Variants in RTCA observed in about 807,000 individuals in gnomAD.
The protein encoded by RTCA is RNA 3'-terminal phosphate cyclase.
A neutral mutation model predicts 46.1 loss-of-function variants in RTCA; 37 were observed. That is an observed-to-expected ratio of 0.80 (90% CI 0.62 to 1.06). The LOEUF is 1.06. Among genes scored for constraint, RTCA ranks in the 50% least tolerant of loss-of-function variants. RTCA has a pLI of 0.00. For synonymous variants in RTCA, 164 were observed against 158.3 expected (o/e 1.04, Z -0.27); for missense variants, 435 against 455.5 (o/e 0.95, Z 0.41).
chr1:100,273,126 A>G (rs1214294264), intron 4 of RTCA, among the ~76,000 whole-genome samples: 3 of 152,190 alleles, frequency 2.0e-5, no homozygotes, highest in Non-Finnish European at 4.4e-5. Context: ...TCGGAGTAGA[A>G]TAACCACTGA....
intron 2 of RTCA, chr1:100,267,300 C>A: frequency 4.3e-6 from 2 of 464,242 alleles, no homozygotes. Context: ...AGTCTTTTGT[C>A]TACAGTTTTG....
intron 2 of RTCA, chr1:100,267,541 T>A (rs878926634): frequency 1.3e-6 from 2 of 1,546,126 alleles, no homozygotes; most frequent in South Asian, 2.4e-5. Flanking sequence ...CTGACAAGGT[T>A]GGTTTCCTCT....
rs1665885326 is a variant in RTCA, at chr1:100,268,079, T to C, written c.147-73T>C. On this transcript the variant is annotated intron_variant, in intron 2 of 10. Transcript: ENST00000370128. ...CTGTTTTCTTGCCATTGCAGTTTTA[T>C]AAATTTGTCATAAAATGTGGGGATG... The C allele has an allele frequency of 2.6e-6, 4 of 1,566,440 alleles. No individual in the cohort carries two copies. The South Asian group carries it at 3.6e-5, about 14-fold the overall frequency.
At chr1:100,276,655 G>A (rs553581378) in intron 7 of RTCA, among the ~76,000 whole-genome samples, 22 of 152,120 alleles carry the variant, frequency 1.4e-4, no homozygotes, top group Admixed American at 5.9e-4. Flanking sequence ...CCAGCCTGGC[G>A]ACAAAGCGAG....
At chr1:100,291,266 T>C (rs1402344350) in intron 10 of RTCA, 137 bp from the exon 11 acceptor site, 1 of 573,030 alleles carries the variant, frequency 1.7e-6, no homozygotes, top group Non-Finnish European at 3.1e-6. Flanking sequence ...TTCTCATCAA[T>C]CATTTGATCT....
chr1:100,270,500 T>G, intron 3 of RTCA, 57 bp from the exon 4 acceptor site: 1 of 1,595,566 alleles, frequency 6.3e-7, no homozygotes, highest in South Asian at 1.1e-5. Context: ...ATTTAAGAGT[T>G]TGAAAAGAAA....
In RTCA at chr1:100,287,092, T is replaced by A. The variant is rs368541985; in HGVS notation, c.895-7T>A. ...TGTGAGGTTTTTCTTTGTTCTTTTT[T>A]AAATAGCTGATTGTTTTCATGGCAT... On this transcript the variant is annotated splice_region_variant and splice_polypyrimidine_tract_variant and intron_variant, in intron 9 of 10. Coordinates refer to ENST00000370128, the MANE Select transcript of RTCA (RefSeq NM_003729.4). 2.6e-6 allele frequency: 4 copies of A among 1,535,518 alleles called. No individual in the cohort carries two copies. The highest frequency in any genetic ancestry group is 1.7e-4 in the Middle Eastern group (1 of 5,766).
At chr1:100,269,025 ATATATATT>A (rs952021175) in intron 3 of RTCA, among the ~76,000 whole-genome samples, 154 of 148,140 alleles carry the variant, frequency 1.0e-3, no homozygotes, top group African/African-American at 3.5e-3. Context: ...CCCGTCATAT[ATATATATT>A]TATATATTTA....
Position 100,273,410 on chromosome 1 carries a change from T to C in RTCA, c.431T>C (p.Val144Ala), listed in dbSNP as rs1666207312. 5 of 1,585,106 alleles carry C rather than the reference T, an allele frequency of 3.2e-6. No individual in the cohort carries two copies. The highest frequency in any genetic ancestry group is 1.8e-5 in the Admixed American group (1 of 56,584). ...TTTTTTCAGGTCTTCAAGCCAATTG[T>C]TGAAAAATTTGGTTTCATATTTAAT... ...DYTVMVFKPI[V>A]EKFGFIFNCD... Residue 144 changes from valine to alanine, a missense_variant, in exon 5 of 11, where the codon GTT (valine) becomes GCT (alanine). Coordinates refer to ENST00000370128, the MANE Select transcript of RTCA (RefSeq NM_003729.4).
Position 100,287,041 on chromosome 1 carries a change from A to G in RTCA, c.895-58A>G, listed in dbSNP as rs1378347963. ...TATTTTTATTATGGGCAGCAGTGGA[A>G]TTATAATGCCAAATATTAATAAATG... On this transcript the variant is annotated intron_variant, in intron 9 of 10. Coordinates refer to ENST00000370128, the MANE Select transcript of RTCA (RefSeq NM_003729.4). 3 of 1,225,538 alleles carry G rather than the reference A, an allele frequency of 2.4e-6. No individual in the cohort carries two copies. The East Asian group carries it at 7.9e-5, about 32-fold the overall frequency. 75.9% of individuals were successfully genotyped at this position (1,225,538 alleles called of 1,614,324 possible). A position where few individuals can be genotyped will look rare whatever the true frequency, so the allele number is the denominator to read the frequency against.
At chr1:100,283,150 C>G (rs1293873480) in intron 8 of RTCA, among the ~76,000 whole-genome samples, 1 of 144,796 alleles carries the variant, frequency 6.9e-6, no homozygotes, top group Admixed American at 7.5e-5. Flanking sequence ...TTATGTATAT[C>G]CAAATATTCC....
rs376293222 is a variant in RTCA at position 100,291,545 on chromosome 1, C to G, written c.*41C>G. On this transcript the variant is annotated 3_prime_UTR_variant, in exon 11 of 11. Coordinates refer to ENST00000370128, the MANE Select transcript of RTCA (RefSeq NM_003729.4). Reference sequence around the variant, plus strand: ...AATGATACCTCATTGATATATTGCACTATTTCATAAATACTATAAAATAAT... The same window carrying G: ...AATGATACCTCATTGATATATTGCAGTATTTCATAAATACTATAAAATAAT... 9 of 1,160,624 alleles carry G rather than the reference C, an allele frequency of 7.8e-6. No individual in the cohort carries two copies. Among genetic ancestry groups the G allele is most frequent in the Non-Finnish European group, 1.1e-5 (9 of 790,756 alleles). 71.9% of individuals were successfully genotyped at this position (1,160,624 alleles called of 1,614,324 possible). A position where few individuals can be genotyped will look rare whatever the true frequency, so the allele number is the denominator to read the frequency against.
intron 7 of RTCA, among the ~76,000 whole-genome samples, chr1:100,275,981 G>A (rs377764681): frequency 9.9e-5 from 15 of 151,748 alleles, no homozygotes; most frequent in African/African-American, 3.1e-4. Context: ...GACTACAGGC[G>A]CCCACCACCA....
chr1:100,284,786 T>TGGCGTCTAGCTAA (rs1392251983), intron 8 of RTCA, among the ~76,000 whole-genome samples: 139 of 152,338 alleles, frequency 9.1e-4, no homozygotes, highest in African/African-American at 3.2e-3. Flanking sequence ...GTTTGGTAGA[T>TGGCGTCTAGCTAA]GGCGTCTAGC....
intron 8 of RTCA, among the ~76,000 whole-genome samples, chr1:100,282,177 T>C (rs966668404): frequency 6.6e-6 from 1 of 152,248 alleles, no homozygotes; most frequent in African/African-American, 2.4e-5. Context: ...ATTTTGCTTA[T>C]TATGTTCAGT....
Position 100,274,805 on chromosome 1 carries a change from T to C in RTCA, c.474-19T>C. ...GTCATGCAATCAGTTTATGTGGGCA[T>C]TTGTTATACTTTTCATAGGGGATAT... On this transcript the variant is annotated intron_variant, in intron 5 of 10. Coordinates refer to ENST00000370128, the MANE Select transcript of RTCA (RefSeq NM_003729.4). The C allele has an allele frequency of 6.3e-7, 1 of 1,594,808 alleles. No individual in the cohort carries two copies. Among genetic ancestry groups the C allele is most frequent in the South Asian group, 1.1e-5 (1 of 88,572 alleles).
In RTCA at chr1:100,266,216, A is replaced by G. The variant is rs1395275081; in HGVS notation, c.-160A>G. The G allele has an allele frequency of 1.5e-5, 12 of 792,846 alleles. No homozygotes were observed. The highest frequency in any genetic ancestry group is 8.2e-5 in the East Asian group (3 of 36,512). 49.1% of individuals were successfully genotyped at this position (792,846 alleles called of 1,614,324 possible). On this transcript the variant is annotated 5_prime_UTR_variant, in exon 1 of 11. Coordinates refer to ENST00000370128, the MANE Select transcript of RTCA (RefSeq NM_003729.4). ...CCGGGGGTTCGTTTCTGCTGACTCC[A>G]GTGTCCCGAGAGGCGCCGCTTCTTC... is the stretch of plus-strand genomic sequence containing the variant.
chr1:100,276,600 C>A (rs1666397834), intron 7 of RTCA, among the ~76,000 whole-genome samples: 1 of 152,162 alleles, frequency 6.6e-6, no homozygotes, highest in Non-Finnish European at 1.5e-5. Context: ...TCACTTGAAC[C>A]TGGGAGGCGG....
At position 100,268,200 on chromosome 1, in the gene RTCA, G is replaced by C; in HGVS notation, c.195G>C (p.Gly65=). The change falls in exon 3 of 11, where the codon GGG becomes GGC. Residue 65 remains glycine (G), a synonymous_variant. Coordinates refer to ENST00000370128, the MANE Select transcript of RTCA (RefSeq NM_003729.4). ...AAATGATTCGAGATTTGTGTGATGG[G>C]CAACTGGAGGGGGCAGAAATTGGCT... The part of the protein sequence containing the change: ...GLEMIRDLCD[G]QLEGAEIGST... The C allele has an allele frequency of 6.2e-7, 1 of 1,614,146 alleles. No homozygotes were observed. Among genetic ancestry groups the C allele is most frequent in the Admixed American group, 1.7e-5 (1 of 60,024 alleles).
Sources: allele counts gnomAD v4.1 joint callset (sites outside exome capture counted in the v4.1 genomes callset), GRCh38; gene constraint gnomAD v4.1.1; transcripts MANE v1.5; gene names NCBI Gene and HGNC (gene_info 2026-07-23, HGNC 2026-07-21).